FAM184A: variants seen among roughly 807,000 people sequenced by gnomAD.
FAM184A encodes protein FAM184A.
A neutral mutation model predicts 143.8 loss-of-function variants in FAM184A; 99 were observed. The observed-to-expected ratio is 0.69, with a 90% CI of 0.58 to 0.81. FAM184A has a LOEUF of 0.81. Among genes scored for constraint, FAM184A ranks in the 40% least tolerant of loss-of-function variants. The pLI is 0.00. For synonymous variants in FAM184A, 427 were observed against 446.4 expected, an observed-to-expected ratio of 0.96 and a Z score of 0.55; for missense variants, 1,217 against 1,310.5, an observed-to-expected ratio of 0.93 and a Z score of 1.10.
chr6:119,052,907 G>A (rs1427630361), intron 1 of FAM184A, among the ~76,000 whole-genome samples: 1 of 152,210 alleles, frequency 6.6e-6, no homozygotes, highest in Non-Finnish European at 1.5e-5. Context: ...GCCAAATTCA[G>A]TAAACACTCC....
intron 9 of FAM184A, among the ~76,000 whole-genome samples, chr6:118,986,069 G>A (rs1288690292): frequency 6.6e-6 from 1 of 152,128 alleles, no homozygotes; most frequent in Non-Finnish European, 1.5e-5. Context: ...CGAAGCGGGC[G>A]GATCACGAGG....
At position 119,126,233 on chromosome 6, in the gene FAM184A, C is replaced by T. The variant is rs1789362295; in HGVS notation, c.-202+22845G>A. Among the ~76,000 whole-genome samples the T allele has an allele frequency of 2.0e-5, 3 of 152,210 alleles. No homozygotes were observed. The South Asian group carries it at 6.2e-4, about 32-fold the overall frequency. Reference sequence around the variant, plus strand: ...ACTGTTCCCTACCATGTGGCACCTTCATCATAAAAAGTCAGCAATGGAGAA... The same window carrying T: ...ACTGTTCCCTACCATGTGGCACCTTTATCATAAAAAGTCAGCAATGGAGAA... On this transcript the variant is annotated intron_variant, in intron 1 of 16. Coordinates refer to the FAM184A transcript ENST00000352896.
intron 1 of FAM184A, chr6:119,025,421 C>A (rs1229120120): frequency 1.9e-6 from 1 of 518,082 alleles, no homozygotes; most frequent in South Asian, 1.4e-5. Context: ...TTTATAAAAT[C>A]CAATTTGTAC....
chr6:119,027,951 G>A (rs558180149), intron 1 of FAM184A, among the ~76,000 whole-genome samples: 88 of 152,254 alleles, frequency 5.8e-4, no homozygotes, highest in African/African-American at 2.0e-3. Flanking sequence ...CTGCAAATCC[G>A]AAGAGTTCTG....
At position 118,980,199 on chromosome 6, in the gene FAM184A, A is replaced by G. The variant is rs748796326; in HGVS notation, c.2240T>C (p.Leu747Ser). Residue 747 changes from leucine to serine, a missense_variant, in exon 10 of 18, where the codon TTA becomes TCA. Coordinates refer to ENST00000338891, the MANE Select transcript of FAM184A (RefSeq NM_024581.6). ...EEQHQQRHKS[L>S]KEAHVLAFQT... ...AAATGCAAGGACATGTGCTTCTTTT[A>G]ATGATTTGTGTCTTTGCTGATGTTG... The G allele has an allele frequency of 9.9e-6, 16 of 1,613,986 alleles. No homozygotes were observed. Among genetic ancestry groups the G allele is most frequent in the Non-Finnish European group, 1.4e-5 (16 of 1,180,024 alleles).
chr6:119,127,582 C>T (rs1215113902), intron 1 of FAM184A, among the ~76,000 whole-genome samples: 1 of 152,146 alleles, frequency 6.6e-6, no homozygotes, highest in Non-Finnish European at 1.5e-5. Context: ...TTATGTGATC[C>T]CGGTCAAATG....
At chr6:118,962,217 C>T (rs976968791) in intron 16 of FAM184A, 6 of 467,222 alleles carry the variant, frequency 1.3e-5, no homozygotes, top group African/African-American at 3.9e-5. Flanking sequence ...GAGTCATTCA[C>T]GAGGAATGAG....
At chr6:119,038,851 A>G (rs1786210929) in intron 1 of FAM184A, among the ~76,000 whole-genome samples, 1 of 152,180 alleles carries the variant, frequency 6.6e-6, no homozygotes, top group Non-Finnish European at 1.5e-5. Context: ...GATGAGTACA[A>G]AAAGCAGAGG....
chr6:119,034,659 A>G (rs1786042665), intron 1 of FAM184A, among the ~76,000 whole-genome samples: 1 of 151,626 alleles, frequency 6.6e-6, no homozygotes, highest in South Asian at 2.1e-4. Context: ...ATTTTCTAGA[A>G]TGCATATATT....
chr6:119,142,808 A>T (rs1475378103), intron 1 of FAM184A, among the ~76,000 whole-genome samples: 1 of 152,224 alleles, frequency 6.6e-6, no homozygotes, highest in African/African-American at 2.4e-5. Flanking sequence ...GGGTCTTTGT[A>T]GATGTAATCA....
At position 119,078,250 on chromosome 6, in the gene FAM184A, G is replaced by A. The variant is rs1787950433; in HGVS notation, c.50C>T (p.Ala17Val). 1.3e-6 allele frequency: 2 copies of A among 1,519,102 alleles called. No homozygotes were observed. Among genetic ancestry groups the A allele is most frequent in the Admixed American group, 2.0e-5 (1 of 49,836 alleles). The allele number at this position is 1,519,102 out of a possible 1,614,324, so 94.1% of individuals were successfully genotyped here. ...SWQQHYYGGSAAKFAPSPATA... is the reference protein window; with the variant it reads ...SWQQHYYGGSVAKFAPSPATA... ...GGCCGGCGAGGGCGCGAATTTGGCC[G>A]CCGAGCCGCCGTAATAGTGCTGCTG... The change falls in exon 1 of 18, where the codon GCG becomes GTG. Residue 17 changes from alanine to valine, a missense_variant. Ala to Val is a moderately conservative substitution (Grantham distance 64). Transcript: ENST00000338891. This position sits in a 1 kb window ranked among gnomAD's most constrained non-coding sequence, Gnocchi z 5.5.
intron 1 of FAM184A, among the ~76,000 whole-genome samples, chr6:119,032,834 A>G (rs376850205): frequency 4.8e-4 from 73 of 152,240 alleles, no homozygotes; most frequent in Non-Finnish European, 8.5e-4. Flanking sequence ...GAATGTTTGT[A>G]TTATTAAATC....
At chr6:118,973,773 A>G (rs1390921035) in intron 14 of FAM184A, among the ~76,000 whole-genome samples, 1 of 152,182 alleles carries the variant, frequency 6.6e-6, no homozygotes, top group East Asian at 1.9e-4. Flanking sequence ...ATGTTTCCAA[A>G]GAACATTAAA....
chr6:119,086,405 G>A (rs114628760), intron 1 of FAM184A, among the ~76,000 whole-genome samples: 1,565 of 152,212 alleles, frequency 0.01, 20 homozygotes, highest in African/African-American at 0.036. Context: ...CAAAAGAGTC[G>A]CTTAACCTAG....
intron 1 of FAM184A, among the ~76,000 whole-genome samples, chr6:119,144,250 C>T (rs1242467791): frequency 2.0e-5 from 3 of 148,000 alleles, no homozygotes; most frequent in Non-Finnish European, 3.0e-5. Context: ...AGGAGAATGG[C>T]GTGAACCTGG....
chr6:119,031,018 C>G (rs936779736), intron 1 of FAM184A, among the ~76,000 whole-genome samples: 1 of 151,842 alleles, frequency 6.6e-6, no homozygotes, highest in Admixed American at 6.6e-5. Context: ...TCCTATAAAT[C>G]TTTTACTTTT....
intron 5 of FAM184A, among the ~76,000 whole-genome samples, chr6:119,014,085 T>C (rs1418951928): frequency 1.3e-5 from 2 of 152,278 alleles, no homozygotes; most frequent in Non-Finnish European, 2.9e-5. Context: ...TGAGTCTTAC[T>C]AGTTGCATGT....
At chr6:119,058,373 T>C (rs1019185253) in intron 1 of FAM184A, among the ~76,000 whole-genome samples, 1 of 151,694 alleles carries the variant, frequency 6.6e-6, no homozygotes, top group Non-Finnish European at 1.5e-5. Context: ...GCTAATTTTT[T>C]TGTGTTTTTA....
chr6:118,992,404 G>A (rs1006144278), intron 9 of FAM184A, among the ~76,000 whole-genome samples: 3 of 152,120 alleles, frequency 2.0e-5, no homozygotes, highest in Non-Finnish European at 4.4e-5. Context: ...TCCAGTGTGA[G>A]GATAATAGCA....
Sources: allele counts gnomAD v4.1 joint callset (sites outside exome capture counted in the v4.1 genomes callset), GRCh38; gene constraint gnomAD v4.1.1; non-coding constraint Gnocchi (gnomAD v3.1); transcripts MANE v1.5; gene names NCBI Gene and HGNC (gene_info 2026-07-23, HGNC 2026-07-21).